Variants in BANK1 observed in about 807,000 individuals in gnomAD.
BANK1 encodes B cell scaffold protein with ankyrin repeats 1.
Under a neutral mutation model 94.5 loss-of-function variants are expected in BANK1, and 95 were observed. The ratio of observed to expected loss-of-function variants is 1.00; its 90% CI spans 0.85 to 1.19. The LOEUF is 1.19. BANK1 is among the 50% of genes most tolerant of loss of function. The probability of loss-of-function intolerance (pLI) is 0.00; values close to 1 mark genes in which losing one functional copy is unlikely to be tolerated. For missense variants in BANK1, 987 were observed against 932.2 expected (o/e 1.06, Z -0.77); for synonymous variants, 334 against 308.4 (o/e 1.08, Z -0.87).
chr4:102,005,186 AAG>A (rs1726214003), intron 7 of BANK1, among the ~76,000 whole-genome samples: 2 of 152,130 alleles, frequency 1.3e-5, no homozygotes, highest in Admixed American at 6.5e-5. Flanking sequence ...AAATGTTATC[AAG>A]AATATTTCTA....
rs1389873716 is a variant in BANK1, at chr4:101,920,050, C to T, written c.1206+1861C>T. On this transcript the variant is annotated intron_variant, in intron 7 of 16. Transcript: ENST00000322953. The stretch of plus-strand genomic sequence containing the variant: ...GTCATATCTTCTGAGTGAAGGTATG[C>T]TAGATAACCATATGTTGACACTGTC... 4.6e-5 allele frequency among the ~76,000 whole-genome samples: 7 copies of T among 151,776 alleles called. No homozygotes were observed. In the East Asian group the frequency reaches 1.4e-3, roughly 29 times the overall value.
At chr4:101,989,978 T>G (rs1380249324) in intron 7 of BANK1, among the ~76,000 whole-genome samples, 1 of 152,184 alleles carries the variant, frequency 6.6e-6, no homozygotes, top group Non-Finnish European at 1.5e-5. Flanking sequence ...TTTTTTTCCC[T>G]CTTTCCCAAA....
chr4:101,829,425 G>GT (rs144220121), intron 1 of BANK1, among the ~76,000 whole-genome samples: 9,721 of 148,034 alleles, frequency 0.066, 773 homozygotes, highest in African/African-American at 0.18. Context: ...CTCCTCCTTT[G>GT]TTTTTTTTTG....
chr4:101,899,263 CATT>C (rs972637438), intron 6 of BANK1, among the ~76,000 whole-genome samples: 2 of 151,960 alleles, frequency 1.3e-5, no homozygotes, highest in African/African-American at 4.8e-5. Context: ...AACACATCAT[CATT>C]AAGTAAACAC....
At chr4:101,885,535 C>T (rs1213299074) in intron 5 of BANK1, among the ~76,000 whole-genome samples, 1 of 152,180 alleles carries the variant, frequency 6.6e-6, no homozygotes, top group Non-Finnish European at 1.5e-5. Context: ...TCTAATTGCT[C>T]CTCTAAATTC....
At chr4:101,881,490 T>C (rs1728675034) in intron 5 of BANK1, among the ~76,000 whole-genome samples, 1 of 152,056 alleles carries the variant, frequency 6.6e-6, no homozygotes, top group Non-Finnish European at 1.5e-5. Flanking sequence ...GTACAACCAC[T>C]ATGGAGAATA....
In BANK1 at chr4:101,947,645, A is replaced by G. The variant is rs912383812; in HGVS notation, c.1206+29456A>G. On this transcript the variant is annotated intron_variant, in intron 7 of 16. Coordinates refer to ENST00000322953, the MANE Select transcript of BANK1 (RefSeq NM_017935.5). ...TTAATTCAGCCCATAAACCAATAAA[A>G]TATAATCCATAAGATTAAATTATGA... Among the ~76,000 whole-genome samples the G allele has an allele frequency of 7.2e-5, 11 of 151,978 alleles. No individual in the cohort carries two copies. The East Asian group carries it at 2.1e-3, about 30-fold the overall frequency.
At chr4:102,052,840 T>C (rs562362870) in intron 11 of BANK1, among the ~76,000 whole-genome samples, 1 of 152,046 alleles carries the variant, frequency 6.6e-6, no homozygotes, top group East Asian at 1.9e-4. Flanking sequence ...ATGGAAAATA[T>C]GGAGAGGAAA....
chr4:102,073,172 A>G (rs529465271), intron 15 of BANK1, among the ~76,000 whole-genome samples: 1 of 151,702 alleles, frequency 6.6e-6, no homozygotes, highest in African/African-American at 2.4e-5. Context: ...TTAAAAACGA[A>G]TTGAAGCAGT....
chr4:101,918,029 G>T lies in BANK1; in HGVS notation c.1046G>T (p.Cys349Phe), dbSNP rs532040143. The T allele has an allele frequency of 6.2e-7, 1 of 1,611,300 alleles. No individual in the cohort carries two copies. Among genetic ancestry groups the T allele is most frequent in the Admixed American group, 1.7e-5 (1 of 59,848 alleles). ...AAAGAACTTCCAACTCTTCTCCACT[G>T]TGCAGCAAAATTTGGCTTAAAGAAC... ...HFKELPTLLHCAAKFGLKNLA... is the reference protein window; with the variant it reads ...HFKELPTLLHFAAKFGLKNLA... Residue 349 changes from cysteine (C) to phenylalanine (F), a missense_variant, in exon 7 of 17, where the codon TGT becomes TTT. Physicochemically the swap from Cys to Phe is radical, Grantham distance 205. Transcript: ENST00000322953.
intron 7 of BANK1, among the ~76,000 whole-genome samples, chr4:101,990,077 T>G (rs1560670809): frequency 1.3e-5 from 2 of 152,202 alleles, no homozygotes; most frequent in Admixed American, 6.5e-5. Flanking sequence ...CCATTTTGTA[T>G]TTTTCAGACT....
chr4:101,949,494 A>C (rs562814481), intron 7 of BANK1, among the ~76,000 whole-genome samples: 165 of 152,214 alleles, frequency 1.1e-3, no homozygotes, highest in Non-Finnish European at 2.1e-3. Context: ...TACTACTAGA[A>C]CCCACTACTT....
chr4:101,831,054 T>C (rs1726597648), intron 2 of BANK1, among the ~76,000 whole-genome samples: 1 of 152,220 alleles, frequency 6.6e-6, no homozygotes, highest in African/African-American at 2.4e-5. Context: ...ATATAGATTC[T>C]TACTGTTGAG....
At chr4:101,982,255 A>T (rs1368101635) in intron 7 of BANK1, among the ~76,000 whole-genome samples, 2 of 151,362 alleles carry the variant, frequency 1.3e-5, no homozygotes, top group African/African-American at 4.8e-5. Flanking sequence ...AAGATATTTT[A>T]ATCTATATAA....
In BANK1 at chr4:101,810,454, A is replaced by C. The variant is rs148488253; in HGVS notation, c.71-19354A>C. 9.7e-3 allele frequency among the ~76,000 whole-genome samples: 1,480 copies of C among 152,340 alleles called. 27 individuals carry two copies. The highest frequency in any genetic ancestry group is 0.033 in the African/African-American group (1,356 of 41,582). ...TCAGGCATTTATACACCATCAGTCT[A>C]GTTAAAAAGAAAAATAGATGTAACC... On this transcript the variant is annotated intron_variant, in intron 1 of 16. Transcript: ENST00000322953.
At chr4:101,881,848 A>G (rs1728687847) in intron 5 of BANK1, among the ~76,000 whole-genome samples, 1 of 149,758 alleles carries the variant, frequency 6.7e-6, no homozygotes. Context: ...TCTCATTTAT[A>G]TGTGTTGATT....
intron 1 of BANK1, among the ~76,000 whole-genome samples, chr4:101,795,963 T>TCA (rs1394807441): frequency 2.6e-5 from 4 of 152,214 alleles, no homozygotes; most frequent in Non-Finnish European, 5.9e-5. Flanking sequence ...AGTTGTTGAA[T>TCA]CTGTGTAAGT....
chr4:101,820,085 A>G (rs191684874), intron 1 of BANK1, among the ~76,000 whole-genome samples: 1 of 152,340 alleles, frequency 6.6e-6, no homozygotes, highest in East Asian at 1.9e-4. Flanking sequence ...ATGGAATCCA[A>G]GCTTTAATTA....
chr4:101,877,542 T>G (rs1728535374), intron 5 of BANK1, among the ~76,000 whole-genome samples: 1 of 152,130 alleles, frequency 6.6e-6, no homozygotes. Flanking sequence ...GGGATGAACT[T>G]AAGGTGTAGA....
Sources: allele counts gnomAD v4.1 joint callset (sites outside exome capture counted in the v4.1 genomes callset), GRCh38; gene constraint gnomAD v4.1.1; transcripts MANE v1.5; gene names NCBI Gene and HGNC (gene_info 2026-07-23, HGNC 2026-07-21).